FAM227B: variants seen among roughly 807,000 people sequenced by gnomAD.
FAM227B encodes the protein protein FAM227B.
A neutral mutation model predicts 73.8 loss-of-function variants in FAM227B; 88 were observed. The ratio of observed to expected loss-of-function variants is 1.19; its 90% CI spans 1.00 to 1.42. The LOEUF (loss-of-function observed/expected upper bound fraction) is 1.42, where lower values mean the gene tolerates loss of function less well. Among genes scored for constraint, FAM227B ranks in the 40% most tolerant of loss-of-function variants. The pLI is 0.00. For missense variants in FAM227B, 632 were observed against 590.9 expected (o/e 1.07, Z -0.72); for synonymous variants, 210 against 190.5 (o/e 1.10, Z -0.84).
intron 11 of FAM227B, among the ~76,000 whole-genome samples, chr15:49,452,803 A>G (rs1033938371): frequency 6.6e-6 from 1 of 152,190 alleles, no homozygotes; most frequent in African/African-American, 2.4e-5. Context: ...GAATCACAGC[A>G]CAGGGTGCAG....
chr15:49,332,233 A>T (rs997894576), intron 14 of FAM227B, among the ~76,000 whole-genome samples: 27 of 152,130 alleles, frequency 1.8e-4, no homozygotes, highest in African/African-American at 6.3e-4. Context: ...CATCCTCTTC[A>T]GTTAGATGGT....
chr15:49,525,915 T>A (rs1428543357), intron 10 of FAM227B, among the ~76,000 whole-genome samples: 1 of 150,858 alleles, frequency 6.6e-6, no homozygotes, highest in Non-Finnish European at 1.5e-5. Context: ...CAAAGAATAA[T>A]AAACCTTAGA....
intron 11 of FAM227B, among the ~76,000 whole-genome samples, chr15:49,475,883 G>A (rs1434827772): frequency 2.6e-5 from 4 of 152,124 alleles, no homozygotes; most frequent in African/African-American, 9.7e-5. Flanking sequence ...AGCTACAAGG[G>A]AGGCTGAGGA....
chr15:49,396,567 A>T (rs371416384), intron 11 of FAM227B: 1 of 157,412 alleles, frequency 6.4e-6, no homozygotes, highest in Admixed American at 6.1e-5. Flanking sequence ...CAAAAAGACA[A>T]CAGTAACCTC....
At chr15:49,454,304 T>C (rs1469550965) in intron 11 of FAM227B, among the ~76,000 whole-genome samples, 1 of 152,190 alleles carries the variant, frequency 6.6e-6, no homozygotes, top group Non-Finnish European at 1.5e-5. Context: ...TCTTGTGCAT[T>C]TTCTTCTCTT....
At chr15:49,365,846 A>G (rs184203325) in intron 13 of FAM227B, 14,438 of 891,994 alleles carry the variant, frequency 0.016, 177 homozygotes, top group Non-Finnish European at 0.022. Context: ...TTGCCGCGAC[A>G]CTCAATTGTG....
intron 8 of FAM227B, among the ~76,000 whole-genome samples, chr15:49,570,183 A>G (rs1340944406): frequency 1.3e-5 from 2 of 151,944 alleles, no homozygotes; most frequent in African/African-American, 2.4e-5. Flanking sequence ...TGGTAGTTCT[A>G]TTTTTAGTTT....
rs117775015 is a variant in FAM227B, at chr15:49,553,083, C to T, written c.748-11277G>A. ...TATTTATTGTAATATTCACTGTCTG[C>T]GCTTATTTATAGCTGTTCTACTTGG... On this transcript the variant is annotated intron_variant, in intron 9 of 15. Coordinates refer to ENST00000299338, the MANE Select transcript of FAM227B (RefSeq NM_152647.3). Among the ~76,000 whole-genome samples, 92 of 152,168 alleles carry T rather than the reference C, an allele frequency of 6.0e-4. 3 individuals are homozygous for T. In the East Asian group the frequency reaches 0.012, roughly 20 times the overall value.
intron 10 of FAM227B, among the ~76,000 whole-genome samples, chr15:49,537,404 T>A (rs1022848472): frequency 2.6e-5 from 4 of 151,946 alleles, no homozygotes; most frequent in African/African-American, 9.7e-5. Context: ...TATTAAAAAG[T>A]CAAGAGATTA....
At chr15:49,461,731 T>C (rs2053817627) in intron 11 of FAM227B, among the ~76,000 whole-genome samples, 1 of 152,376 alleles carries the variant, frequency 6.6e-6, no homozygotes, top group South Asian at 2.1e-4. Flanking sequence ...TTATACTCCA[T>C]TAAAACTTAA....
At chr15:49,522,723 T>G (rs991421491) in intron 10 of FAM227B, among the ~76,000 whole-genome samples, 1 of 151,936 alleles carries the variant, frequency 6.6e-6, no homozygotes, top group Non-Finnish European at 1.5e-5. Context: ...ATTAACTCAG[T>G]CATACAAAAA....
chr15:49,379,755 C>T (rs2046400635), intron 11 of FAM227B, among the ~76,000 whole-genome samples: 1 of 152,174 alleles, frequency 6.6e-6, no homozygotes, highest in Admixed American at 6.5e-5. Context: ...TTTCTTTCTC[C>T]ATTCTGAGCC....
intron 10 of FAM227B, among the ~76,000 whole-genome samples, chr15:49,512,024 T>A (rs1597754313): frequency 6.6e-6 from 1 of 152,130 alleles, no homozygotes; most frequent in African/African-American, 2.4e-5. Context: ...CTCAGATAGA[T>A]GAGCATGTTA....
intron 6 of FAM227B, chr15:49,577,254 G>C: frequency 2.9e-6 from 1 of 345,104 alleles, no homozygotes; most frequent in South Asian, 2.3e-5. Flanking sequence ...CCACGGTTGC[G>C]CCACTGCACT....
At chr15:49,366,742 G>T in intron 13 of FAM227B, 1 of 894,466 alleles carries the variant, frequency 1.1e-6, no homozygotes, top group South Asian at 1.5e-5. Context: ...GGGGTAGGCT[G>T]GGAGTCCCGC....
At chr15:49,558,556 C>A (rs1235609375) in intron 9 of FAM227B, among the ~76,000 whole-genome samples, 1 of 152,152 alleles carries the variant, frequency 6.6e-6, no homozygotes, top group Non-Finnish European at 1.5e-5. Context: ...AACCCAACTC[C>A]CACAGGTTTG....
intron 11 of FAM227B, among the ~76,000 whole-genome samples, chr15:49,412,178 C>A (rs2048912341): frequency 6.6e-6 from 1 of 151,854 alleles, no homozygotes; most frequent in Non-Finnish European, 1.5e-5. Context: ...CATGTGTAGC[C>A]AAAAAATTAT....
intron 10 of FAM227B, among the ~76,000 whole-genome samples, chr15:49,540,925 T>A (rs1303485020): frequency 6.6e-6 from 1 of 152,184 alleles, no homozygotes; most frequent in Admixed American, 6.5e-5. Flanking sequence ...TGTTTTCAAG[T>A]CTTTACCTCT....
intron 11 of FAM227B, among the ~76,000 whole-genome samples, chr15:49,415,554 A>G (rs1030140148): frequency 2.6e-5 from 4 of 152,200 alleles, no homozygotes; most frequent in African/African-American, 9.6e-5. Context: ...CTCCAACTAG[A>G]GATTTTGCTC....
Sources: allele counts gnomAD v4.1 joint callset (sites outside exome capture counted in the v4.1 genomes callset), GRCh38; gene constraint gnomAD v4.1.1; transcripts MANE v1.5; gene names NCBI Gene and HGNC (gene_info 2026-07-23, HGNC 2026-07-21).